CDH11: variants seen among roughly 807,000 people sequenced by gnomAD.
CDH11 encodes cadherin 11.
A neutral mutation model predicts 67.8 loss-of-function variants in CDH11; 11 were observed. The ratio of observed to expected loss-of-function variants is 0.16; its 90% CI spans 0.10 to 0.27. CDH11 has a LOEUF of 0.27. CDH11 is among the 10% of genes least tolerant of loss of function. The probability of loss-of-function intolerance (pLI) is 1.00; values close to 1 mark genes in which losing one functional copy is unlikely to be tolerated. For synonymous variants in CDH11, 419 were observed against 400.0 expected, an observed-to-expected ratio of 1.05 and a Z score of -0.57; for missense variants, 847 against 1,031.2, an observed-to-expected ratio of 0.82 and a Z score of 2.45.
intron 2 of CDH11, among the ~76,000 whole-genome samples, chr16:65,010,416 A>C (rs1199347019): frequency 1.3e-5 from 2 of 152,176 alleles, no homozygotes; most frequent in African/African-American, 4.8e-5. Context: ...ATGTCTGTGG[A>C]AATCACAGAG....
Position 65,121,303 on chromosome 16 carries a change from G to A in CDH11, c.-298+577C>T, listed in dbSNP as rs942172696. 6.6e-6 allele frequency among the ~76,000 whole-genome samples: 1 copy of A among 152,228 alleles called. No individual in the cohort carries two copies. The highest frequency in any genetic ancestry group is 2.4e-5 in the African/African-American group (1 of 41,470). ...CCAAACCCACGCTATTAAAGTGCGG[G>A]CAATCTCCTTCCGGAGCTGGGGTCT... On this transcript the variant is annotated intron_variant, in intron 1 of 12. Coordinates refer to ENST00000268603, the MANE Select transcript of CDH11 (RefSeq NM_001797.4). The surrounding 1 kb of genome is among the most constrained non-coding windows in gnomAD (Gnocchi z 4.1).
At chr16:65,072,964 T>C (rs1411771998) in intron 1 of CDH11, among the ~76,000 whole-genome samples, 1 of 152,238 alleles carries the variant, frequency 6.6e-6, no homozygotes, top group Non-Finnish European at 1.5e-5. Context: ...AGCAAGCTCT[T>C]AATAAAGGCT....
chr16:64,995,218 T>A (rs1022666938), intron 4 of CDH11, among the ~76,000 whole-genome samples: 4 of 148,804 alleles, frequency 2.7e-5, no homozygotes, highest in African/African-American at 9.8e-5. Flanking sequence ...CATCATTTTT[T>A]CACAGAATTA....
intron 3 of CDH11, among the ~76,000 whole-genome samples, chr16:65,003,723 C>T (rs1423585551): frequency 6.6e-6 from 1 of 152,150 alleles, no homozygotes; most frequent in Non-Finnish European, 1.5e-5. Flanking sequence ...ACCACAGAGC[C>T]TGGAATGGGA....
intron 1 of CDH11, among the ~76,000 whole-genome samples, chr16:65,073,270 T>C (rs182532999): frequency 2.6e-5 from 4 of 152,336 alleles, no homozygotes; most frequent in Admixed American, 2.0e-4. Context: ...GTTCCATTTT[T>C]ATTTAATTAA....
upstream of CDH11, chr16:65,123,743 C>G (rs8048636): frequency 0.065 from 9,927 of 152,584 alleles, 514 homozygotes; most frequent in South Asian, 0.16. Context: ...GTGCCTGCCC[C>G]CAGTCCGCGT....
chr16:64,955,221 G>T (rs1423183340), intron 11 of CDH11, among the ~76,000 whole-genome samples: 1 of 152,120 alleles, frequency 6.6e-6, no homozygotes, highest in African/African-American at 2.4e-5. Context: ...ACTCCAGCCT[G>T]GGTGACAGAG....
At chr16:64,991,140 C>T (rs1331622091) in intron 6 of CDH11, among the ~76,000 whole-genome samples, 4 of 152,098 alleles carry the variant, frequency 2.6e-5, no homozygotes, top group African/African-American at 9.7e-5. Context: ...CTGCCTGGTG[C>T]CCTTGGGGAT....
intron 2 of CDH11, among the ~76,000 whole-genome samples, chr16:65,040,231 T>C (rs940199843): frequency 3.3e-5 from 5 of 152,214 alleles, no homozygotes; most frequent in Non-Finnish European, 5.9e-5. Flanking sequence ...TTATAAAACA[T>C]GCTTCTATAA....
chr16:64,964,858 TATA>T (rs1192183392), intron 11 of CDH11, among the ~76,000 whole-genome samples: 150 of 152,140 alleles, frequency 9.9e-4, no homozygotes, highest in African/African-American at 3.4e-3. Context: ...CTGTAGACTT[TATA>T]AACACTGTAC....
chr16:65,052,692 T>C (rs767087108), intron 2 of CDH11, among the ~76,000 whole-genome samples: 2 of 152,138 alleles, frequency 1.3e-5, no homozygotes, highest in Non-Finnish European at 2.9e-5. Context: ...TTTAAGAACA[T>C]TGTTCAGGAT....
intron 11 of CDH11, among the ~76,000 whole-genome samples, chr16:64,969,333 G>A (rs1382598308): frequency 6.6e-6 from 1 of 152,174 alleles, no homozygotes; most frequent in Non-Finnish European, 1.5e-5. Context: ...TAAAGGTCCT[G>A]TTTGTAGGTG....
chr16:65,100,594 C>T (rs567753220), intron 1 of CDH11, among the ~76,000 whole-genome samples: 10 of 151,904 alleles, frequency 6.6e-5, no homozygotes, highest in South Asian at 4.2e-4. Context: ...AAAAATTAGC[C>T]GGGCGTCGTG....
intron 1 of CDH11, among the ~76,000 whole-genome samples, chr16:65,116,561 G>C (rs2075248405): frequency 6.6e-6 from 1 of 152,198 alleles, no homozygotes; most frequent in South Asian, 2.1e-4. Context: ...GGAAGTGAAA[G>C]CTTTTTTTCA....
At chr16:65,100,625 C>A (rs1487578428) in intron 1 of CDH11, among the ~76,000 whole-genome samples, 1 of 151,268 alleles carries the variant, frequency 6.6e-6, no homozygotes, top group Admixed American at 6.6e-5. Flanking sequence ...GTGATCCCAG[C>A]TACTTGGGAG....
chr16:64,968,339 C>T (rs1021518437), intron 11 of CDH11: 2 of 671,662 alleles, frequency 3.0e-6, no homozygotes, highest in African/African-American at 2.0e-5. Flanking sequence ...TTATCTCAGT[C>T]TTTTTTTTTT....
intron 2 of CDH11, among the ~76,000 whole-genome samples, chr16:65,035,575 A>G (rs1335585233): frequency 6.6e-6 from 1 of 152,208 alleles, no homozygotes; most frequent in East Asian, 1.9e-4. Flanking sequence ...TTAAAAAGGC[A>G]TAAATGCTTT....
At chr16:64,980,769 G>A (rs1200205537) in intron 8 of CDH11, among the ~76,000 whole-genome samples, 1 of 152,152 alleles carries the variant, frequency 6.6e-6, no homozygotes, top group Admixed American at 6.5e-5. Context: ...CATTGTATGA[G>A]GGTCACTCTG....
intron 1 of CDH11, among the ~76,000 whole-genome samples, chr16:65,106,258 GGAGT>G (rs1346532558): frequency 6.6e-6 from 1 of 152,168 alleles, no homozygotes; most frequent in Non-Finnish European, 1.5e-5. Flanking sequence ...CCACACAAGA[GGAGT>G]GAGTTCCTTC....
Sources: gnomAD v4.1 joint callset for allele counts (sites outside exome capture counted in the v4.1 genomes callset) on GRCh38, gnomAD v4.1.1 for gene constraint, Gnocchi (gnomAD v3.1) non-coding constraint, MANE v1.5 for transcripts, NCBI Gene and HGNC (gene_info 2026-07-23, HGNC 2026-07-21) for gene names.